The following CLSTN3 variants were observed in gnomAD, a reference collection of about 807,000 sequenced individuals.
The protein encoded by CLSTN3 is calsyntenin-3.
CLSTN3 carries 36 observed loss-of-function variants against 95.9 expected under a neutral mutation model. The ratio of observed to expected loss-of-function variants is 0.38; its 90% CI spans 0.29 to 0.50. The LOEUF (loss-of-function observed/expected upper bound fraction) is 0.50. Ranked by LOEUF, CLSTN3 falls within the 20% of genes least tolerant of loss-of-function variation. The probability of loss-of-function intolerance (pLI) is 0.95; values close to 1 mark genes in which losing one functional copy is unlikely to be tolerated. For synonymous variants in CLSTN3, 481 were observed against 504.0 expected (o/e 0.95, Z 0.61); for missense variants, 1,084 against 1,268.8 (o/e 0.85, Z 2.21).
chr12:7,134,574 A>G (rs1250982730), intron 3 of CLSTN3, among the ~76,000 whole-genome samples: 1 of 152,250 alleles, frequency 6.6e-6, no homozygotes, highest in Non-Finnish European at 1.5e-5. Flanking sequence ...GCCCCGGTGC[A>G]TGACTAGGGA....
intron 4 of CLSTN3, 82 bp from the exon 5 acceptor site, chr12:7,135,722 C>T (rs968619244): frequency 1.3e-6 from 2 of 1,501,728 alleles, no homozygotes; most frequent in East Asian, 2.3e-5. Context: ...TGCCTGCTGC[C>T]CGATGATCTC....
At chr12:7,130,311 C>G (rs1212316919), upstream of CLSTN3, 7 of 680,840 alleles carry the variant, frequency 1.0e-5, no homozygotes, top group South Asian at 1.6e-4. Context: ...GGTCCCCCCC[C>G]CTCCCAGTCA....
chr12:7,131,335 G>A, intron 1 of CLSTN3: 1 of 225,066 alleles, frequency 4.4e-6, no homozygotes, highest in Non-Finnish European at 9.0e-6. Flanking sequence ...GGGAGGGAGG[G>A]CTTGCGGGCA....
chr12:7,133,460 A>G lies in CLSTN3; in HGVS notation c.188-113A>G, dbSNP rs1939344001. 9.5e-7 allele frequency: 1 copy of G among 1,054,868 alleles called. No homozygotes were observed. The highest frequency in any genetic ancestry group is 1.4e-6 in the Non-Finnish European group (1 of 711,164). The allele number at this position is 1,054,868 out of a possible 1,614,324, so 65.3% of individuals were successfully genotyped here. A position where few individuals can be genotyped will look rare whatever the true frequency, so the allele number is the denominator to read the frequency against. The stretch of plus-strand genomic sequence containing the variant: ...TGATCATTAATGCTTTTGTGCCTAC[A>G]GGAGAAGGGACAGGGCTTTGGGAGG... On this transcript the variant is annotated intron_variant, in intron 2 of 17. Coordinates refer to ENST00000266546, the MANE Select transcript of CLSTN3 (RefSeq NM_014718.4). The surrounding 1 kb of genome is among the most constrained non-coding windows in gnomAD (Gnocchi z 4.7).
chr12:7,146,522 A>G (rs1441374307), intron 12 of CLSTN3, among the ~76,000 whole-genome samples: 1 of 152,096 alleles, frequency 6.6e-6, no homozygotes, highest in African/African-American at 2.4e-5. Flanking sequence ...GCTTCTCGCC[A>G]TCCACTCTGG....
chr12:7,135,960 G>T lies in CLSTN3; in HGVS notation c.742+7G>T. On this transcript the variant is annotated splice_region_variant and intron_variant, in intron 5 of 17. Transcript: ENST00000266546. ...TGTAAACCCAGCTGGCAAGGTGAGA[G>T]CTCAGCGCTGTGCCCCATCTTGTGA... 3.8e-6 allele frequency: 6 copies of T among 1,598,840 alleles called. No individual in the cohort carries two copies. Among genetic ancestry groups the T allele is most frequent in the Non-Finnish European group, 5.1e-6 (6 of 1,174,000 alleles).
Position 7,150,535 on chromosome 12 carries a change from C to T in CLSTN3, c.2246-9C>T, listed in dbSNP as rs757157107. ...TGGCCCCTGCCCTGAGGTGCTTCCT[C>T]ATCTCCAGGGGTGGAGAGCATCACT... On this transcript the variant is annotated splice_polypyrimidine_tract_variant and intron_variant, in intron 14 of 17. Coordinates refer to ENST00000266546, the MANE Select transcript of CLSTN3 (RefSeq NM_014718.4). This position sits in a 1 kb window ranked among gnomAD's most constrained non-coding sequence, Gnocchi z 4.0. 3 of 1,604,662 alleles carry T rather than the reference C, an allele frequency of 1.9e-6. No individual in the cohort carries two copies. The highest frequency in any genetic ancestry group is 2.2e-5 in the South Asian group (2 of 90,816).
chr12:7,136,233 C>T lies in CLSTN3; in HGVS notation c.770C>T (p.Pro257Leu), dbSNP rs773215598. The T allele has an allele frequency of 1.2e-6, 2 of 1,614,146 alleles. No homozygotes were observed. The highest frequency in any genetic ancestry group is 1.7e-5 in the Admixed American group (1 of 60,030). Residue 257 changes from proline (P) to leucine (L), a missense_variant, in exon 6 of 18, where the codon CCA becomes CTA. Pro to Leu is a moderately conservative substitution (Grantham distance 98). Transcript: ENST00000266546. The part of the protein sequence containing the change: ...QGWNKRIEYA[P>L]GAGSLALFPG... ...TGGAACAAAAGGATCGAATATGCAC[C>T]AGGTGCTGGGAGCTTGGCTTTGTTC...
chr12:7,150,719 T>C lies in CLSTN3; in HGVS notation c.2391+30T>C. ...CCAGAGAGTCTCCTTCCTTCCACAG[T>C]TACCCACCCCCAGAAAGGAGCTGAG... On this transcript the variant is annotated intron_variant, in intron 15 of 17. Transcript: ENST00000266546. The surrounding 1 kb of genome is among the most constrained non-coding windows in gnomAD (Gnocchi z 4.0). The C allele has an allele frequency of 6.2e-7, 1 of 1,604,756 alleles. No homozygotes were observed. The highest frequency in any genetic ancestry group is 8.5e-7 in the Non-Finnish European group (1 of 1,172,216).
chr12:7,151,283 T>C (rs187865931), intron 16 of CLSTN3: 19 of 488,270 alleles, frequency 3.9e-5, no homozygotes, highest in East Asian at 3.5e-4. Context: ...TGTGTCATTG[T>C]AGGGATGCTT....
chr12:7,131,609 G>T (rs748043734), intron 1 of CLSTN3, among the ~76,000 whole-genome samples: 3 of 152,122 alleles, frequency 2.0e-5, no homozygotes, highest in Admixed American at 1.3e-4. Flanking sequence ...AGACCGCAGG[G>T]GGCCAGGAGG....
upstream of CLSTN3, chr12:7,129,565 T>C (rs1939239186): frequency 2.1e-6 from 2 of 965,364 alleles, no homozygotes; most frequent in Non-Finnish European, 2.5e-6. The surrounding 1 kb of genome is among the most constrained non-coding windows in gnomAD (Gnocchi z 5.5). Context: ...GGGGGTTTTC[T>C]CTCCCTCTGA....
chr12:7,147,518 CT>C (rs63621163), intron 12 of CLSTN3, among the ~76,000 whole-genome samples: 3 of 141,970 alleles, frequency 2.1e-5, no homozygotes, highest in Non-Finnish European at 3.0e-5. Context: ...TTCTTTTCTT[CT>C]TTTTTTTTTT....
At position 7,148,853 on chromosome 12, in the gene CLSTN3, C is replaced by T. The variant is rs1939672145; in HGVS notation, c.1848-119C>T. 6 of 828,924 alleles carry T rather than the reference C, an allele frequency of 7.2e-6. No individual in the cohort carries two copies. In the South Asian group the frequency reaches 1.0e-4, roughly 14 times the overall value. 51.3% of individuals were successfully genotyped at this position (828,924 alleles called of 1,614,324 possible). ...GCATGACCCCCTTTCTTCCCCTGCC[C>T]CTTCCTGACATGAGATGCTCTATGA... On this transcript the variant is annotated intron_variant, in intron 12 of 17. Transcript: ENST00000266546.
At chr12:7,153,804 A>G (rs1565654696) in intron 16 of CLSTN3, among the ~76,000 whole-genome samples, 2 of 152,226 alleles carry the variant, frequency 1.3e-5, no homozygotes, top group East Asian at 1.9e-4. Context: ...TTTCTTTGGT[A>G]TAAGGCCCCA....
chr12:7,144,299 T>C (rs188350393), intron 12 of CLSTN3, among the ~76,000 whole-genome samples: 1 of 152,182 alleles, frequency 6.6e-6, no homozygotes, highest in East Asian at 1.9e-4. Flanking sequence ...TTTGGAGTCT[T>C]TAAAAGAAAA....
Position 7,149,253 on chromosome 12 carries a change from T to A in CLSTN3, c.2074+55T>A. ...CCAGAGAACCAGCCAGTGTCTGGAG[T>A]CAGAGTGTGGGAGAACTCCTGGGGC... On this transcript the variant is annotated intron_variant, in intron 13 of 17. Transcript: ENST00000266546. The surrounding 1 kb of genome is among the most constrained non-coding windows in gnomAD (Gnocchi z 4.5). 6.8e-7 allele frequency: 1 copy of A among 1,478,038 alleles called. No homozygotes were observed. The highest frequency in any genetic ancestry group is 1.4e-5 in the African/African-American group (1 of 72,096). 91.6% of individuals were successfully genotyped at this position (1,478,038 alleles called of 1,614,324 possible).
rs1939434308 is a variant in CLSTN3 at position 7,136,861 on chromosome 12, A to G, written c.961A>G (p.Met321Val). Residue 321 changes from methionine to valine, a missense_variant, in exon 7 of 18, where the codon ATG becomes GTG. Coordinates refer to ENST00000266546, the MANE Select transcript of CLSTN3 (RefSeq NM_014718.4). Reference sequence around the variant, plus strand: ...CACTGGGGAGGTGGATCTGTTGCCCATGCCTGGCCCCAATGCCAACTGGAC... The same window carrying G: ...CACTGGGGAGGTGGATCTGTTGCCCGTGCCTGGCCCCAATGCCAACTGGAC... ...AATGEVDLLP[M>V]PGPNANWTAG... 1 of 1,613,640 alleles carries G rather than the reference A, an allele frequency of 6.2e-7. No individual in the cohort carries two copies. Among genetic ancestry groups the G allele is most frequent in the Admixed American group, 1.7e-5 (1 of 59,966 alleles).
chr12:7,156,321 T>G (rs764004773), intron 16 of CLSTN3: 18 of 456,996 alleles, frequency 3.9e-5, no homozygotes, highest in African/African-American at 2.6e-4. Context: ...CTTTTCTTCC[T>G]TGTGCTTCTT....
Sources: allele counts gnomAD v4.1 joint callset (sites outside exome capture counted in the v4.1 genomes callset), GRCh38; gene constraint gnomAD v4.1.1; non-coding constraint Gnocchi (gnomAD v3.1); transcripts MANE v1.5; gene names NCBI Gene and HGNC (gene_info 2026-07-23, HGNC 2026-07-21).